Variants in STARD13 observed in about 807,000 individuals in gnomAD.
STARD13 encodes the protein stAR-related lipid transfer protein 13.
A neutral mutation model predicts 106.4 loss-of-function variants in STARD13; 62 were observed. That is an observed-to-expected ratio of 0.58 (90% CI 0.48 to 0.72). The LOEUF is 0.72. Ranked by LOEUF, STARD13 falls within the 30% of genes least tolerant of loss-of-function variation. The probability of loss-of-function intolerance (pLI) is 0.00; values close to 1 mark genes in which losing one functional copy is unlikely to be tolerated. For missense variants in STARD13, 1,387 were observed against 1,424.0 expected, an observed-to-expected ratio of 0.97 and a Z score of 0.42; for synonymous variants, 565 against 553.0, an observed-to-expected ratio of 1.02 and a Z score of -0.31.
chr13:33,323,497 C>A (rs189461043), intron 1 of STARD13, among the ~76,000 whole-genome samples: 1 of 152,248 alleles, frequency 6.6e-6, no homozygotes, highest in Admixed American at 6.5e-5. Context: ...ACCCCCTAGA[C>A]GGCAGGCAAG....
At chr13:33,598,267 C>T in the STARD13 span, among the ~76,000 whole-genome samples, 3 of 151,980 alleles carry the variant, frequency 2.0e-5, no homozygotes, top group African/African-American at 4.8e-5. Flanking sequence ...GAGTCTGGTT[C>T]GATGGTTGTG....
chr13:33,565,317 C>A, the STARD13 span, among the ~76,000 whole-genome samples: 3 of 146,578 alleles, frequency 2.0e-5, no homozygotes, highest in Non-Finnish European at 4.5e-5. Context: ...TTGTACATTT[C>A]TAAAGAGCTA....
At chr13:33,272,323 C>A (rs191551051) in intron 1 of STARD13, among the ~76,000 whole-genome samples, 1 of 152,298 alleles carries the variant, frequency 6.6e-6, no homozygotes, top group Admixed American at 6.5e-5. Flanking sequence ...TTCAGTGTCA[C>A]GTCAGTGCTC....
intron 4 of STARD13, among the ~76,000 whole-genome samples, chr13:33,131,680 A>G (rs1449350135): frequency 6.6e-6 from 1 of 152,212 alleles, no homozygotes; most frequent in Non-Finnish European, 1.5e-5. Flanking sequence ...CAAGGACATA[A>G]TAATTGCTTA....
the STARD13 span, among the ~76,000 whole-genome samples, chr13:33,431,903 C>A: frequency 6.6e-6 from 1 of 152,138 alleles, no homozygotes; most frequent in African/African-American, 2.4e-5. Flanking sequence ...GGGGCAATGA[C>A]GGAACCATTA....
At chr13:33,464,890 G>A in the STARD13 span, among the ~76,000 whole-genome samples, 1 of 152,106 alleles carries the variant, frequency 6.6e-6, no homozygotes, top group African/African-American at 2.4e-5. Context: ...ATGAGGAGGT[G>A]TAGTGCCTGC....
intron 1 of STARD13, chr13:33,350,188 A>C: frequency 5.2e-6 from 7 of 1,347,496 alleles, no homozygotes; most frequent in Non-Finnish European, 4.7e-6. Flanking sequence ...TCTGAAACTC[A>C]TGCCCTGGAG....
At chr13:33,248,529 T>C (rs998109845) in intron 1 of STARD13, among the ~76,000 whole-genome samples, 1 of 152,200 alleles carries the variant, frequency 6.6e-6, no homozygotes, top group Non-Finnish European at 1.5e-5. Flanking sequence ...ACTTGAATGA[T>C]GGGTGGGGAA....
intron 1 of STARD13, among the ~76,000 whole-genome samples, chr13:33,220,131 TGGCACATAATA>T (rs1888274764): frequency 6.6e-6 from 1 of 152,174 alleles, no homozygotes; most frequent in Non-Finnish European, 1.5e-5. Context: ...AGAGCACTGC[TGGCACATAATA>T]GGCATTCAAA....
chr13:33,160,255 G>A lies in STARD13; in HGVS notation c.323+5082C>T, dbSNP rs183683660. ...ATGATTGGACATTGATATACAAAAA[G>A]TAAATCTTGACTCACACCTTGTTCT... On this transcript the variant is annotated intron_variant, in intron 3 of 13. Transcript: ENST00000336934. Among the ~76,000 whole-genome samples, 563 of 152,190 alleles carry A rather than the reference G, an allele frequency of 3.7e-3. 3 individuals carry two copies. The highest frequency in any genetic ancestry group is 7.1e-3 in the Admixed American group (108 of 15,274).
the STARD13 span, among the ~76,000 whole-genome samples, chr13:33,653,512 A>C: frequency 6.6e-6 from 1 of 152,214 alleles, no homozygotes; most frequent in African/African-American, 2.4e-5. Context: ...AGTTTATATT[A>C]TATACAAACA....
chr13:33,626,952 C>G, the STARD13 span, among the ~76,000 whole-genome samples: 5 of 152,302 alleles, frequency 3.3e-5, no homozygotes, highest in African/African-American at 1.2e-4. Context: ...GCCATCAGGA[C>G]TAAAGAATCC....
At chr13:33,599,431 C>G in the STARD13 span, among the ~76,000 whole-genome samples, 1 of 152,148 alleles carries the variant, frequency 6.6e-6, no homozygotes, top group African/African-American at 2.4e-5. Flanking sequence ...TTTCTCAGCT[C>G]TCAGTTTCAT....
chr13:33,119,123 G>C (rs1355318789), intron 7 of STARD13, among the ~76,000 whole-genome samples: 1 of 152,146 alleles, frequency 6.6e-6, no homozygotes, highest in Non-Finnish European at 1.5e-5. Context: ...ATCCTGCAAT[G>C]GTGGGGCAGG....
the STARD13 span, among the ~76,000 whole-genome samples, chr13:33,596,890 G>C: frequency 6.6e-6 from 1 of 152,172 alleles, no homozygotes; most frequent in Non-Finnish European, 1.5e-5. Context: ...TGGCTGAATA[G>C]TATGCCATTG....
chr13:33,520,700 A>T, the STARD13 span, among the ~76,000 whole-genome samples: 1 of 151,994 alleles, frequency 6.6e-6, no homozygotes, highest in Non-Finnish European at 1.5e-5. Context: ...TTCTTCCAAA[A>T]ATCCTTGGAA....
chr13:33,152,365 T>C (rs1045668178), intron 3 of STARD13, among the ~76,000 whole-genome samples: 2 of 149,980 alleles, frequency 1.3e-5, no homozygotes, highest in East Asian at 2.0e-4. Flanking sequence ...TCAAAACCCA[T>C]GCTACTACTT....
At chr13:33,123,109 A>G (rs2138129979) in intron 7 of STARD13, among the ~76,000 whole-genome samples, 1 of 150,710 alleles carries the variant, frequency 6.6e-6, no homozygotes, top group East Asian at 1.9e-4. Flanking sequence ...TTCACTGGAT[A>G]GCCCCAGAGC....
chr13:33,213,553 C>T (rs910097929), intron 1 of STARD13, among the ~76,000 whole-genome samples: 12 of 152,148 alleles, frequency 7.9e-5, no homozygotes, highest in African/African-American at 2.4e-4. Context: ...CTGGCTCTCT[C>T]GAGGTAGAGA....
Sources: allele counts gnomAD v4.1 joint callset (sites outside exome capture counted in the v4.1 genomes callset), GRCh38; gene constraint gnomAD v4.1.1; transcripts MANE v1.5; gene names NCBI Gene and HGNC (gene_info 2026-07-23, HGNC 2026-07-21).